Variants in SLC39A11 observed in about 807,000 individuals in gnomAD.
The protein encoded by SLC39A11 is solute carrier family 39 member 11, also known as zinc transporter ZIP11.
A neutral mutation model predicts 36.1 loss-of-function variants in SLC39A11; 33 were observed. That is an observed-to-expected ratio of 0.91 (90% CI 0.69 to 1.22). The LOEUF (loss-of-function observed/expected upper bound fraction) is 1.22. Ranked by LOEUF, SLC39A11 falls within the 50% of genes most tolerant of loss-of-function variation. The pLI is 0.00. For missense variants in SLC39A11, 432 were observed against 430.3 expected (o/e 1.00, Z -0.03); for synonymous variants, 166 against 170.3 (o/e 0.97, Z 0.20).
At chr17:73,086,718 G>A (rs563968446) in intron 2 of SLC39A11, among the ~76,000 whole-genome samples, 162 of 152,334 alleles carry the variant, frequency 1.1e-3, no homozygotes, top group Middle Eastern at 0.01. Flanking sequence ...TACTTGGGAG[G>A]CTGAGGTGGG....
At chr17:72,948,480 T>C (rs905613973) in intron 4 of SLC39A11, among the ~76,000 whole-genome samples, 2 of 152,230 alleles carry the variant, frequency 1.3e-5, no homozygotes, top group African/African-American at 2.4e-5. Flanking sequence ...CAGGTTCACG[T>C]GAATGGCAGT....
intron 7 of SLC39A11, among the ~76,000 whole-genome samples, chr17:72,659,260 G>A (rs978289643): frequency 6.6e-5 from 10 of 152,196 alleles, no homozygotes; most frequent in African/African-American, 2.2e-4. Context: ...ACTTGCTAAA[G>A]GCCATAAGAT....
intron 4 of SLC39A11, among the ~76,000 whole-genome samples, chr17:72,966,924 C>T (rs974281972): frequency 2.0e-5 from 3 of 152,202 alleles, no homozygotes; most frequent in Admixed American, 2.0e-4. Flanking sequence ...CTGAGCTCCA[C>T]CTCCTGTCAG....
At chr17:72,721,567 C>T (rs2073681420) in intron 7 of SLC39A11, among the ~76,000 whole-genome samples, 1 of 152,154 alleles carries the variant, frequency 6.6e-6, no homozygotes, top group South Asian at 2.1e-4. Context: ...AGCAGAGCTC[C>T]CCTACATAAC....
At chr17:72,747,966 A>G (rs762080986) in intron 6 of SLC39A11, among the ~76,000 whole-genome samples, 8 of 152,222 alleles carry the variant, frequency 5.3e-5, no homozygotes, top group Non-Finnish European at 1.0e-4. Context: ...TATTGGAAAA[A>G]GATACATGTG....
intron 7 of SLC39A11, among the ~76,000 whole-genome samples, chr17:72,696,854 G>A (rs1187341134): frequency 6.6e-6 from 1 of 152,178 alleles, no homozygotes; most frequent in African/African-American, 2.4e-5. Flanking sequence ...CTGTGCTAGA[G>A]GCTTGGCCTG....
chr17:72,740,534 A>G (rs1463959034), intron 6 of SLC39A11, among the ~76,000 whole-genome samples: 2 of 152,148 alleles, frequency 1.3e-5, no homozygotes, highest in Non-Finnish European at 2.9e-5. Flanking sequence ...CATATCAAGC[A>G]AGTTCATTTT....
chr17:72,746,336 G>A (rs917473496), intron 6 of SLC39A11, among the ~76,000 whole-genome samples: 2 of 152,106 alleles, frequency 1.3e-5, no homozygotes, highest in African/African-American at 4.8e-5. Context: ...CCACGTTGAG[G>A]GGTCAGGTGT....
intron 3 of SLC39A11, among the ~76,000 whole-genome samples, chr17:73,079,918 A>C (rs557472800): frequency 9.2e-5 from 14 of 152,260 alleles, no homozygotes; most frequent in African/African-American, 3.1e-4. Context: ...AATAATAATA[A>C]TACTTAGGAA....
intron 6 of SLC39A11, chr17:72,837,943 C>A: frequency 8.1e-7 from 1 of 1,230,030 alleles, no homozygotes; most frequent in South Asian, 4.1e-5. Flanking sequence ...CTCAGAGGTA[C>A]TGCTCAAAGA....
intron 7 of SLC39A11, among the ~76,000 whole-genome samples, chr17:72,699,648 A>G (rs892815992): frequency 2.0e-5 from 3 of 152,254 alleles, no homozygotes; most frequent in Non-Finnish European, 4.4e-5. Context: ...GCCATGCTGT[A>G]AACACTTGGG....
chr17:72,697,878 T>C lies in SLC39A11; in HGVS notation c.671+38772A>G, dbSNP rs141331976. On this transcript the variant is annotated intron_variant, in intron 7 of 9. Coordinates refer to ENST00000255559, the MANE Select transcript of SLC39A11 (RefSeq NM_139177.4). Reference sequence around the variant, plus strand: ...TACTCCTGCCAATGCCCCCTGGCTGTAACCCCAGGGCTGGGCAATTTATGA... The same window carrying C: ...TACTCCTGCCAATGCCCCCTGGCTGCAACCCCAGGGCTGGGCAATTTATGA... 1.1e-3 allele frequency among the ~76,000 whole-genome samples: 174 copies of C among 152,290 alleles called. 1 individual carries two copies. The highest frequency in any genetic ancestry group is 4.1e-3 in the African/African-American group (170 of 41,558).
intron 5 of SLC39A11, among the ~76,000 whole-genome samples, chr17:72,912,570 G>A (rs912646509): frequency 1.3e-5 from 2 of 151,716 alleles, no homozygotes; most frequent in African/African-American, 4.8e-5. Flanking sequence ...AAAGAGCTGG[G>A]AGCCTGCCAC....
At chr17:73,012,343 G>A (rs573581232) in intron 4 of SLC39A11, among the ~76,000 whole-genome samples, 4 of 152,162 alleles carry the variant, frequency 2.6e-5, no homozygotes, top group Admixed American at 2.0e-4. Flanking sequence ...ACGCTTGAGG[G>A]AATACCCCAT....
intron 7 of SLC39A11, among the ~76,000 whole-genome samples, chr17:72,670,288 T>C (rs973881984): frequency 2.6e-4 from 39 of 151,504 alleles, no homozygotes; most frequent in African/African-American, 8.7e-4. Flanking sequence ...GGATGATCAC[T>C]TGAGGCTGGG....
At chr17:72,941,839 T>C (rs952740655) in intron 5 of SLC39A11, among the ~76,000 whole-genome samples, 1 of 151,796 alleles carries the variant, frequency 6.6e-6, no homozygotes, top group Non-Finnish European at 1.5e-5. Flanking sequence ...GTGCGGCACA[T>C]TTTAACGCTG....
chr17:72,895,113 T>C (rs4438364), intron 5 of SLC39A11, among the ~76,000 whole-genome samples: 68,074 of 151,714 alleles, frequency 0.45, 15,651 homozygotes, highest in East Asian at 0.71. Context: ...GCTAGTCGCA[T>C]TGGTGGGTGC....
intron 7 of SLC39A11, among the ~76,000 whole-genome samples, chr17:72,658,023 C>T (rs2070220943): frequency 6.6e-6 from 1 of 152,296 alleles, no homozygotes; most frequent in East Asian, 1.9e-4. Flanking sequence ...GAAGGGATGG[C>T]CTCCCTGTAG....
At chr17:72,961,191 T>C (rs73347585) in intron 4 of SLC39A11, among the ~76,000 whole-genome samples, 3,485 of 152,294 alleles carry the variant, frequency 0.023, 133 homozygotes, top group African/African-American at 0.076. Context: ...AGAAATATGC[T>C]TGCTATTCTC....
Sources: gnomAD v4.1 joint callset for allele counts (sites outside exome capture counted in the v4.1 genomes callset) on GRCh38, gnomAD v4.1.1 for gene constraint, MANE v1.5 for transcripts, NCBI Gene and HGNC (gene_info 2026-07-23, HGNC 2026-07-21) for gene names.